Variants in CERT1 observed in about 807,000 individuals in gnomAD.
CERT1 encodes the protein ceramide transfer protein.
A neutral mutation model predicts 87.9 loss-of-function variants in CERT1; 31 were observed. The ratio of observed to expected loss-of-function variants is 0.35; its 90% CI spans 0.27 to 0.48. The LOEUF is 0.48. Among genes scored for constraint, CERT1 ranks in the 20% least tolerant of loss-of-function variants. CERT1 has a pLI of 0.99. For missense variants in CERT1, 487 were observed against 758.0 expected (o/e 0.64, Z 4.20); for synonymous variants, 289 against 250.9 (o/e 1.15, Z -1.44).
At chr5:75,400,374 G>T (rs1762420893) in intron 9 of CERT1, 77 bp from the exon 10 acceptor site, 1 of 986,254 alleles carries the variant, frequency 1.0e-6, no homozygotes, top group Non-Finnish European at 1.6e-6. Flanking sequence ...ATATAACCTG[G>T]AACTACCAAC....
chr5:75,427,483 C>T (rs948685863), intron 3 of CERT1, among the ~76,000 whole-genome samples: 61 of 152,224 alleles, frequency 4.0e-4, no homozygotes, highest in Middle Eastern at 3.4e-3. Context: ...CCTGTAATCC[C>T]GGCTACTCAG....
rs1761479241 is a variant in CERT1 at position 75,379,643 on chromosome 5, T to C, written c.1748-170A>G. Reference sequence around the variant, plus strand: ...GCTCTGTTGCCAGGGTGCAGTGCAGTGGCGCGATCTTGGCTCACTGCAACT... The same window carrying C: ...GCTCTGTTGCCAGGGTGCAGTGCAGCGGCGCGATCTTGGCTCACTGCAACT... On this transcript the variant is annotated intron_variant, in intron 16 of 16. Coordinates refer to ENST00000643780, the MANE Select transcript of CERT1 (RefSeq NM_001379029.1). Among the ~76,000 whole-genome samples, 3 of 152,174 alleles carry C rather than the reference T, an allele frequency of 2.0e-5. No homozygotes were observed. In the South Asian group the frequency reaches 6.2e-4, roughly 31 times the overall value.
chr5:75,429,200 T>TAATA lies in CERT1; in HGVS notation c.349-2723_349-2722insTATT, dbSNP rs35257866. ...GAATAATAATAATAATAATAATAAT[T>TAATA]ATTATTATTATTATTTTGAGACAGA... On this transcript the variant is annotated intron_variant, in intron 3 of 16. Transcript: ENST00000643780. 2.5e-3 allele frequency among the ~76,000 whole-genome samples: 319 copies of TAATA among 127,156 alleles called. 2 individuals are homozygous for TAATA. Among genetic ancestry groups the TAATA allele is most frequent in the African/African-American group, 7.8e-3 (249 of 31,998 alleles). 83.4% of individuals were successfully genotyped at this position (127,156 alleles called of 152,430 possible). A position where few individuals can be genotyped will look rare whatever the true frequency, so the allele number is the denominator to read the frequency against.
intron 2 of CERT1, among the ~76,000 whole-genome samples, chr5:75,466,752 T>C (rs1165819122): frequency 2.0e-5 from 3 of 152,224 alleles, no homozygotes; most frequent in Non-Finnish European, 2.9e-5. Flanking sequence ...TATCCCTCCA[T>C]ACTTACAGGT....
In CERT1 at chr5:75,511,578, G is replaced by C. The variant is rs897232917; in HGVS notation, c.-371C>G. 8.2e-6 allele frequency: 12 copies of C among 1,462,482 alleles called. No homozygotes were observed. In the African/African-American group the frequency reaches 1.7e-4, roughly 21 times the overall value. 90.6% of individuals were successfully genotyped at this position (1,462,482 alleles called of 1,614,324 possible). ...AGAAAATCCGGCCGCTGAGTCCCGC[G>C]TCCACTCACACCTCCGCTACCGCCG... On this transcript the variant is annotated 5_prime_UTR_variant, in exon 1 of 17. Transcript: ENST00000643780.
chr5:75,477,544 G>GTAAC (rs1554044712), intron 2 of CERT1, among the ~76,000 whole-genome samples: 1 of 147,936 alleles, frequency 6.8e-6, no homozygotes, highest in South Asian at 2.2e-4. Flanking sequence ...CTGGGGTTTT[G>GTAAC]TAACTGCCTT....
chr5:75,458,654 C>A (rs1050809807), intron 3 of CERT1, among the ~76,000 whole-genome samples: 5 of 151,898 alleles, frequency 3.3e-5, no homozygotes, highest in African/African-American at 9.7e-5. Flanking sequence ...CGGATTCAAG[C>A]GGTTCTACTG....
chr5:75,477,561 T>C (rs986755942), intron 2 of CERT1, among the ~76,000 whole-genome samples: 1 of 149,244 alleles, frequency 6.7e-6, no homozygotes, highest in African/African-American at 2.5e-5. Flanking sequence ...CCTTATTGCT[T>C]ACCCTCATGT....
At chr5:75,410,052 G>A (rs1762867222) in intron 8 of CERT1, among the ~76,000 whole-genome samples, 1 of 152,078 alleles carries the variant, frequency 6.6e-6, no homozygotes, top group Non-Finnish European at 1.5e-5. Flanking sequence ...CAATCCTCCT[G>A]CCTTGGCCTC....
rs73118899 is a variant in CERT1 at position 75,417,843 on chromosome 5, A to T, written c.680-810T>A. On this transcript the variant is annotated intron_variant, in intron 6 of 16. Coordinates refer to ENST00000643780, the MANE Select transcript of CERT1 (RefSeq NM_001379029.1). ...AAAGACTTCTATCCAGAATATATGA[A>T]GTAACCTCAAAGCTCATTAATAATA... Among the ~76,000 whole-genome samples the T allele has an allele frequency of 9.6e-3, 1,459 of 152,336 alleles. 23 individuals are homozygous for T. Among genetic ancestry groups the T allele is most frequent in the African/African-American group, 0.034 (1,409 of 41,578 alleles).
intron 2 of CERT1, among the ~76,000 whole-genome samples, chr5:75,480,647 T>C (rs1766194881): frequency 6.6e-6 from 1 of 152,242 alleles, no homozygotes. Context: ...CTTCTGATAA[T>C]GCCTAACAGC....
At chr5:75,500,913 A>C (rs1767332518) in intron 2 of CERT1, among the ~76,000 whole-genome samples, 1 of 151,854 alleles carries the variant, frequency 6.6e-6, no homozygotes, top group Non-Finnish European at 1.5e-5. Context: ...CACTTTCAAA[A>C]TTTATGTTTA....
intron 3 of CERT1, among the ~76,000 whole-genome samples, chr5:75,444,897 G>A (rs187865005): frequency 1.3e-5 from 2 of 152,070 alleles, no homozygotes; most frequent in Admixed American, 1.3e-4. Context: ...TTCCTTTTGT[G>A]TATTTCTATA....
intron 2 of CERT1, among the ~76,000 whole-genome samples, chr5:75,489,958 A>T (rs1339737026): frequency 6.6e-6 from 1 of 152,222 alleles, no homozygotes; most frequent in Non-Finnish European, 1.5e-5. Flanking sequence ...ATTGCCCATC[A>T]ATGTTAGACT....
At chr5:75,437,409 T>C (rs1227578029) in intron 3 of CERT1, among the ~76,000 whole-genome samples, 2 of 152,170 alleles carry the variant, frequency 1.3e-5, no homozygotes, top group Non-Finnish European at 2.9e-5. Flanking sequence ...CACTTGTACT[T>C]CTAAGTCTAA....
At chr5:75,421,936 C>T (rs80324692) in intron 5 of CERT1, among the ~76,000 whole-genome samples, 8,273 of 152,202 alleles carry the variant, frequency 0.054, 296 homozygotes, top group Middle Eastern at 0.11. Context: ...AACTCAAAAG[C>T]CTTCTGTACA....
At chr5:75,438,315 C>G (rs1764179730) in intron 3 of CERT1, among the ~76,000 whole-genome samples, 1 of 152,120 alleles carries the variant, frequency 6.6e-6, no homozygotes. Context: ...GTTAACACAT[C>G]TCTTTGGCTT....
At chr5:75,413,072 A>T (rs1277565530) in intron 7 of CERT1, among the ~76,000 whole-genome samples, 1 of 152,124 alleles carries the variant, frequency 6.6e-6, no homozygotes, top group Non-Finnish European at 1.5e-5. Context: ...ACATTTTTCT[A>T]TTTTTTAAAA....
At chr5:75,473,370 G>A (rs1327955691) in intron 2 of CERT1, among the ~76,000 whole-genome samples, 2 of 152,192 alleles carry the variant, frequency 1.3e-5, no homozygotes, top group Non-Finnish European at 2.9e-5. Flanking sequence ...ACAGGCATGA[G>A]CCACCAAATC....
Sources: allele counts gnomAD v4.1 joint callset (sites outside exome capture counted in the v4.1 genomes callset), GRCh38; gene constraint gnomAD v4.1.1; transcripts MANE v1.5; gene names NCBI Gene and HGNC (gene_info 2026-07-23, HGNC 2026-07-21).